XPO6: variants seen among roughly 807,000 people sequenced by gnomAD.
The protein encoded by XPO6 is exportin 6.
XPO6 carries 3 observed loss-of-function variants against 130.0 expected under a neutral mutation model. The observed-to-expected ratio is 0.02, with a 90% confidence interval of 0.01 to 0.06. The LOEUF is 0.06. Ranked by LOEUF, XPO6 falls within the 10% of genes least tolerant of loss-of-function variation. The pLI is 1.00. For synonymous variants in XPO6, 524 were observed against 548.9 expected (o/e 0.95, Z 0.63); for missense variants, 970 against 1,393.0 (o/e 0.70, Z 4.83).
intron 1 of XPO6, among the ~76,000 whole-genome samples, chr16:28,195,876 A>C (rs1012524040): frequency 6.6e-6 from 1 of 152,214 alleles, no homozygotes; most frequent in African/African-American, 2.4e-5. Flanking sequence ...ACATTTACTA[A>C]GGTCTTATGT....
At chr16:28,162,963 C>T (rs11074893) in intron 6 of XPO6, among the ~76,000 whole-genome samples, 38,866 of 152,124 alleles carry the variant, frequency 0.26, 5,135 homozygotes, top group Middle Eastern at 0.32. Flanking sequence ...GCACTACTGG[C>T]ATCTGGGGCT....
chr16:28,108,095 AGGAC>A (rs779005258), intron 17 of XPO6, among the ~76,000 whole-genome samples: 67 of 152,322 alleles, frequency 4.4e-4, no homozygotes, highest in Non-Finnish European at 7.2e-4. Context: ...GTCACAGGCC[AGGAC>A]GGACACATGC....
At position 28,156,082 on chromosome 16, in the gene XPO6, G is replaced by C. The variant is rs757213036; in HGVS notation, c.1089C>G (p.Leu363=). The change falls in exon 7 of 24, where the codon CTC becomes CTG. Residue 363 remains leucine (L), a synonymous_variant. Transcript: ENST00000304658. ...ACACTTGGTTTCATTACCTCTCATCGAGCTCTTCTAGCCTGCTCTTCACTG... is the reference window on the plus strand; with the variant it reads ...ACACTTGGTTTCATTACCTCTCATCCAGCTCTTCTAGCCTGCTCTTCACTG... ...AHTVKSRLEE[L]DESYIEKFTD... 6.3e-7 allele frequency: 1 copy of C among 1,599,332 alleles called. No individual in the cohort carries two copies.
intron 1 of XPO6, among the ~76,000 whole-genome samples, chr16:28,204,768 G>T (rs570578638): frequency 6.6e-6 from 1 of 152,320 alleles, no homozygotes; most frequent in African/African-American, 2.4e-5. Flanking sequence ...GCCAAGTGAC[G>T]AAAGGCTGAA....
At chr16:28,177,514 C>G (rs1337607184) in intron 2 of XPO6, among the ~76,000 whole-genome samples, 182 bp from the exon 3 acceptor site, 1 of 152,076 alleles carries the variant, frequency 6.6e-6, no homozygotes, top group Non-Finnish European at 1.5e-5. Flanking sequence ...CTGAGGTGAC[C>G]ATGGACACTG....
rs1157489426 is a variant in XPO6, at chr16:28,101,886, G to A, written c.3006C>T (p.Tyr1002=). 2.5e-6 allele frequency: 4 copies of A among 1,614,054 alleles called. No individual in the cohort carries two copies. Among genetic ancestry groups the A allele is most frequent in the Middle Eastern group, 3.3e-4 (2 of 6,084 alleles). The part of the protein sequence containing the change: ...DIHLFKQNLF[Y]LETLNTKQKL... ...TCTGCTTGGTGTTGAGAGTCTCCAA[G>A]TAGAAGAGATTTTGTTTAAAAAGGT... The change falls in exon 22 of 24, where the codon TAC becomes TAT. Residue 1002 remains tyrosine, a synonymous_variant. Transcript: ENST00000304658. This position sits in a 1 kb window ranked among gnomAD's most constrained non-coding sequence, Gnocchi z 5.4.
At chr16:28,168,465 A>G (rs1555529296) in intron 5 of XPO6, among the ~76,000 whole-genome samples, 1 of 152,136 alleles carries the variant, frequency 6.6e-6, no homozygotes, top group Non-Finnish European at 1.5e-5. Flanking sequence ...CCTGAGCAAC[A>G]AAGAGACATC....
chr16:28,161,259 G>C (rs1261601788), intron 6 of XPO6, among the ~76,000 whole-genome samples: 2 of 152,160 alleles, frequency 1.3e-5, no homozygotes, highest in African/African-American at 2.4e-5. Flanking sequence ...GTATTTTTAT[G>C]AACACATACC....
At chr16:28,115,339 C>G (rs1368386758) in intron 15 of XPO6, among the ~76,000 whole-genome samples, 2 of 152,178 alleles carry the variant, frequency 1.3e-5, no homozygotes, top group Non-Finnish European at 2.9e-5. Context: ...CCATGGGCTA[C>G]AGAACTACAG....
chr16:28,122,544 G>A (rs1017660170), intron 13 of XPO6, among the ~76,000 whole-genome samples: 11 of 151,980 alleles, frequency 7.2e-5, no homozygotes, highest in African/African-American at 2.7e-4. Context: ...GAGCCCAGGA[G>A]GTTGAGGATG....
chr16:28,100,517 C>T (rs958525390), intron 23 of XPO6, among the ~76,000 whole-genome samples: 1 of 152,210 alleles, frequency 6.6e-6, no homozygotes, highest in Non-Finnish European at 1.5e-5. Context: ...CCCTGCCACA[C>T]GTGGCAAATG....
intron 23 of XPO6, among the ~76,000 whole-genome samples, chr16:28,099,788 G>A (rs527799290): frequency 2.6e-5 from 4 of 152,160 alleles, no homozygotes; most frequent in Admixed American, 6.5e-5. Context: ...TTCCTGGCCC[G>A]GGGCTTGAGA....
At chr16:28,146,069 A>G (rs748097599) in intron 9 of XPO6, 25 bp downstream of exon 9, 1 of 1,554,264 alleles carries the variant, frequency 6.4e-7, no homozygotes, top group Non-Finnish European at 8.9e-7. Flanking sequence ...GACCATATCT[A>G]GTTTTCAGTG....
chr16:28,173,955 G>C (rs2043494507), intron 4 of XPO6, among the ~76,000 whole-genome samples: 1 of 152,140 alleles, frequency 6.6e-6, no homozygotes, highest in African/African-American at 2.4e-5. Flanking sequence ...TCCGTCTCAA[G>C]GTCCCTCTCT....
Position 28,106,409 on chromosome 16 carries a change from T to C in XPO6, c.2586A>G (p.Ile862Met). Reference protein sequence around the residue: ...QMGVPFTEQIIQTFLNMFTRE... With the variant: ...QMGVPFTEQIMQTFLNMFTRE... ...TGGTAAACATGTTGAGGAAAGTCTG[T>C]ATGATTTGCTCAGTGAAAGGCACAC... Residue 862 changes from isoleucine to methionine, a missense_variant, in exon 19 of 24, where the codon ATA becomes ATG. Physicochemically the swap from Ile to Met is conservative, Grantham distance 10. Coordinates refer to ENST00000304658, the MANE Select transcript of XPO6 (RefSeq NM_015171.4). The surrounding 1 kb of genome is among the most constrained non-coding windows in gnomAD (Gnocchi z 4.2). 1.2e-6 allele frequency: 2 copies of C among 1,614,162 alleles called. No homozygotes were observed. The highest frequency in any genetic ancestry group is 1.7e-6 in the Non-Finnish European group (2 of 1,179,994).
At position 28,112,935 on chromosome 16, in the gene XPO6, G is replaced by C; in HGVS notation, c.2120C>G (p.Thr707Ser). The change falls in exon 16 of 24, where the codon ACT becomes AGT. Residue 707 changes from threonine (T) to serine (S), a missense_variant. Thr to Ser is a moderately conservative substitution (Grantham distance 58). Around this residue, in one of 4 missense-constraint regions of XPO6, gnomAD observed 936 missense variants for 1,306.8 expected, o/e 0.72. Coordinates refer to ENST00000304658, the MANE Select transcript of XPO6 (RefSeq NM_015171.4). The stretch of plus-strand genomic sequence containing the variant: ...GACAAGTCGCAGGGCAGAGGCATCA[G>C]TGATTCTGTTGAATACTTTCTGCAC... ...PAVQKVFNRITDASALRLVDK... is the reference protein window; with the variant it reads ...PAVQKVFNRISDASALRLVDK... 1 of 1,614,176 alleles carries C rather than the reference G, an allele frequency of 6.2e-7. No individual in the cohort carries two copies. The highest frequency in any genetic ancestry group is 1.1e-5 in the South Asian group (1 of 91,074).
chr16:28,119,181 ATTT>A (rs1032667845), intron 14 of XPO6, among the ~76,000 whole-genome samples: 3 of 129,034 alleles, frequency 2.3e-5, no homozygotes, highest in Admixed American at 1.6e-4. Flanking sequence ...ATGTCCGGCT[ATTT>A]TTTTTTTTTT....
intron 9 of XPO6, among the ~76,000 whole-genome samples, chr16:28,144,309 T>C (rs1393500904): frequency 6.6e-6 from 1 of 152,170 alleles, no homozygotes; most frequent in Non-Finnish European, 1.5e-5. Context: ...AAAGAACAAA[T>C]GTTTAAACTT....
intron 9 of XPO6, among the ~76,000 whole-genome samples, chr16:28,143,869 T>C (rs2042938083): frequency 6.6e-6 from 1 of 152,216 alleles, no homozygotes; most frequent in South Asian, 2.1e-4. Context: ...ACTCCTGACC[T>C]CGTGGTCCCC....
Sources: allele counts gnomAD v4.1 joint callset (sites outside exome capture counted in the v4.1 genomes callset), GRCh38; gene constraint gnomAD v4.1.1; regional missense constraint gnomAD v4.1.1; non-coding constraint Gnocchi (gnomAD v3.1); transcripts MANE v1.5; gene names NCBI Gene and HGNC (gene_info 2026-07-23, HGNC 2026-07-21).